The following CD1B variants were observed in gnomAD, a reference collection of about 807,000 sequenced individuals.
The protein encoded by CD1B is T-cell surface glycoprotein CD1b.
In CD1B, 43 loss-of-function variants were observed where a neutral mutation model predicts 39.8. That is an observed-to-expected ratio of 1.08 (90% confidence interval 0.85 to 1.39). CD1B has a LOEUF of 1.39. Among genes scored for constraint, CD1B ranks in the 40% most tolerant of loss-of-function variants. The pLI is 0.00. For missense variants in CD1B, 495 were observed against 403.8 expected (o/e 1.23, Z -1.94); for synonymous variants, 192 against 152.5 (o/e 1.26, Z -1.91).
At chr1:158,298,894 A>G in the CD1B span, among the ~76,000 whole-genome samples, 1 of 152,224 alleles carries the variant, frequency 6.6e-6, no homozygotes, top group Non-Finnish European at 1.5e-5. Context: ...GAAGTTGCTT[A>G]TCAGTTTAAA....
Position 158,329,959 on chromosome 1 carries a change from A to AT in CD1B, c.499dup (p.Ile167AsnfsTer16). Reference sequence around the variant, plus strand: ...AGTTTCCATGATACCTTGATATTGTATGATTAGTGCACAGAATTTCTGTGC... The same window carrying AT: ...AGTTTCCATGATACCTTGATATTGTATTGATTAGTGCACAGAATTTCTGTGC... On this transcript the variant is annotated frameshift_variant, in exon 3 of 6. Transcript: ENST00000368168. LOFTEE classifies it high-confidence loss of function. The AT allele has an allele frequency of 6.2e-7, 1 of 1,613,982 alleles. No homozygotes were observed. Among genetic ancestry groups the AT allele is most frequent in the Non-Finnish European group, 8.5e-7 (1 of 1,179,952 alleles).
At chr1:158,317,694 C>T in the CD1B span, among the ~76,000 whole-genome samples, 2 of 151,992 alleles carry the variant, frequency 1.3e-5, no homozygotes, top group African/African-American at 4.8e-5. Context: ...TTATCTCTTG[C>T]CTTCTGCTAG....
At chr1:158,319,669 A>T in the CD1B span, among the ~76,000 whole-genome samples, 1 of 152,196 alleles carries the variant, frequency 6.6e-6, no homozygotes, top group Non-Finnish European at 1.5e-5. Context: ...AGCTCGTCAA[A>T]GTCGTTCTCT....
At chr1:158,300,594 A>G in the CD1B span, among the ~76,000 whole-genome samples, 2 of 152,142 alleles carry the variant, frequency 1.3e-5, no homozygotes, top group South Asian at 4.2e-4. Context: ...AAAGTCTCCC[A>G]TTATTATTGT....
chr1:158,305,925 A>G, the CD1B span, among the ~76,000 whole-genome samples: 1 of 152,214 alleles, frequency 6.6e-6, no homozygotes, highest in African/African-American at 2.4e-5. Flanking sequence ...AGAGCTCCCG[A>G]AGGAAGCACT....
At chr1:158,325,068 A>G (rs1451125294), downstream of CD1B, among the ~76,000 whole-genome samples, 3 of 152,092 alleles carry the variant, frequency 2.0e-5, no homozygotes, top group East Asian at 3.9e-4. Context: ...AATAGAAAGA[A>G]TAACTATCTT....
chr1:158,328,400 A>G, intron 5 of CD1B, 143 bp from the exon 6 acceptor site: 2 of 593,964 alleles, frequency 3.4e-6, no homozygotes, highest in Non-Finnish European at 5.9e-6. Context: ...AATGTGTTAT[A>G]CGCATATGGT....
chr1:158,326,916 C>G (rs1035674353), downstream of CD1B, among the ~76,000 whole-genome samples: 63 of 152,242 alleles, frequency 4.1e-4, 1 homozygote, highest in Admixed American at 3.9e-3. Flanking sequence ...CCTGCCTCAG[C>G]CTTCCAAGTA....
At chr1:158,290,459 C>T in the CD1B span, among the ~76,000 whole-genome samples, 1 of 152,026 alleles carries the variant, frequency 6.6e-6, no homozygotes, top group African/African-American at 2.4e-5. Context: ...GATGAAGCAA[C>T]CTTTCAATGC....
the CD1B span, among the ~76,000 whole-genome samples, chr1:158,318,546 C>T: frequency 6.6e-6 from 1 of 152,054 alleles, no homozygotes; most frequent in Non-Finnish European, 1.5e-5. Context: ...TTATTTTTAG[C>T]CTGTGTGTGT....
the CD1B span, among the ~76,000 whole-genome samples, chr1:158,301,902 C>T: frequency 2.6e-5 from 4 of 152,128 alleles, no homozygotes; most frequent in Non-Finnish European, 4.4e-5. Flanking sequence ...TTCCATTCTC[C>T]CTGTCACTTT....
downstream of CD1B, among the ~76,000 whole-genome samples, chr1:158,324,812 T>C (rs1478414508): frequency 6.6e-6 from 1 of 152,128 alleles, no homozygotes; most frequent in Non-Finnish European, 1.5e-5. Flanking sequence ...TGAGCAACTT[T>C]GCCACATCAG....
chr1:158,294,840 T>G, the CD1B span, among the ~76,000 whole-genome samples: 3 of 152,256 alleles, frequency 2.0e-5, no homozygotes, highest in Non-Finnish European at 4.4e-5. Context: ...AGTGTATTAG[T>G]AACCATTCCT....
At chr1:158,289,946 G>A in the CD1B span, 11 of 842,000 alleles carry the variant, frequency 1.3e-5, no homozygotes, top group East Asian at 2.6e-5. Flanking sequence ...TGCTGTCAGC[G>A]GCTGATGGGG....
chr1:158,302,089 C>T, the CD1B span, among the ~76,000 whole-genome samples: 448 of 152,168 alleles, frequency 2.9e-3, 5 homozygotes, highest in African/African-American at 9.8e-3. Context: ...TCATACCAAC[C>T]ACACTCTTGC....
At chr1:158,307,311 C>T in the CD1B span, among the ~76,000 whole-genome samples, 13 of 152,080 alleles carry the variant, frequency 8.5e-5, no homozygotes, top group South Asian at 4.2e-4. Flanking sequence ...AATACCTCTA[C>T]GCAAATAAAC....
At chr1:158,298,331 G>A in the CD1B span, among the ~76,000 whole-genome samples, 4 of 152,140 alleles carry the variant, frequency 2.6e-5, no homozygotes, top group Non-Finnish European at 5.9e-5. Context: ...GCATTAGATA[G>A]ATCATCAAGA....
the CD1B span, chr1:158,292,577 C>T: frequency 2.6e-5 from 42 of 1,607,696 alleles, no homozygotes; most frequent in Admixed American, 5.0e-4. Context: ...CATCAGAACA[C>T]TTTTTCTGCT....
chr1:158,308,528 T>A, the CD1B span, among the ~76,000 whole-genome samples: 3 of 152,124 alleles, frequency 2.0e-5, no homozygotes. Context: ...GCCAAGTCAA[T>A]CCTAAGCCAA....
Sources: allele counts gnomAD v4.1 joint callset (sites outside exome capture counted in the v4.1 genomes callset), GRCh38; gene constraint gnomAD v4.1.1; transcripts MANE v1.5; gene names NCBI Gene and HGNC (gene_info 2026-07-23, HGNC 2026-07-21).